PTK7: variants seen among roughly 807,000 people sequenced by gnomAD.
PTK7 encodes protein tyrosine kinase 7 (inactive).
A neutral mutation model predicts 116.6 loss-of-function variants in PTK7; 39 were observed. The ratio of observed to expected loss-of-function variants is 0.33; its 90% CI spans 0.26 to 0.44. The LOEUF (loss-of-function observed/expected upper bound fraction) is 0.44. Among genes scored for constraint, PTK7 ranks in the 20% least tolerant of loss-of-function variants. The pLI, the probability that PTK7 is intolerant of heterozygous loss-of-function variation, is 1.00. For synonymous variants in PTK7, 546 were observed against 563.6 expected, an observed-to-expected ratio of 0.97 and a Z score of 0.44; for missense variants, 1,169 against 1,425.6, an observed-to-expected ratio of 0.82 and a Z score of 2.90.
intron 17 of PTK7, among the ~76,000 whole-genome samples, chr6:43,152,971 A>G (rs1771217098): frequency 6.6e-6 from 1 of 151,414 alleles, no homozygotes; most frequent in South Asian, 2.1e-4. Context: ...TTTTTAGTAG[A>G]GATGGGGTTT....
intron 1 of PTK7, among the ~76,000 whole-genome samples, chr6:43,116,651 T>TGTGTGCGCGCGCGCGCGCGC (rs1323606377): frequency 1.2e-4 from 9 of 77,210 alleles, no homozygotes; most frequent in African/African-American, 5.8e-4. Context: ...TGTGTGTGTG[T>TGTGTGCGCGCGCGCGCGCGC]GCGCGCGCAC....
chr6:43,089,502 T>C (rs773468691), intron 1 of PTK7, among the ~76,000 whole-genome samples: 3 of 152,204 alleles, frequency 2.0e-5, no homozygotes, highest in Non-Finnish European at 4.4e-5. Context: ...AAGAAAACAT[T>C]GTCTTACAGC....
intron 1 of PTK7, among the ~76,000 whole-genome samples, chr6:43,081,159 T>C (rs1766355201): frequency 6.6e-6 from 1 of 152,188 alleles, no homozygotes; most frequent in South Asian, 2.1e-4. Context: ...AGTCCCCGGT[T>C]GTACATTGCC....
At chr6:43,144,763 C>A in intron 15 of PTK7, 157 bp downstream of exon 15, 1 of 866,626 alleles carries the variant, frequency 1.2e-6, no homozygotes, top group East Asian at 2.7e-5. Context: ...GGCCCCAGAG[C>A]CTGTTATTCA....
intron 1 of PTK7, among the ~76,000 whole-genome samples, chr6:43,086,136 C>A (rs868287162): frequency 6.6e-6 from 1 of 152,168 alleles, no homozygotes. Flanking sequence ...CACTGTCTCT[C>A]CTGGCATGCT....
At chr6:43,122,180 G>A (rs979002204) in intron 1 of PTK7, among the ~76,000 whole-genome samples, 2 of 152,168 alleles carry the variant, frequency 1.3e-5, no homozygotes, top group African/African-American at 2.4e-5. Context: ...CACACATTTG[G>A]GGTGGCTCAA....
chr6:43,126,622 T>G (rs1378392465), intron 1 of PTK7, among the ~76,000 whole-genome samples: 2 of 152,194 alleles, frequency 1.3e-5, no homozygotes, highest in Non-Finnish European at 2.9e-5. Context: ...TGGGCGGGGA[T>G]GGGAAGAGCA....
intron 5 of PTK7, 50 bp downstream of exon 5, chr6:43,130,711 AT>A: frequency 3.1e-6 from 5 of 1,595,954 alleles, no homozygotes; most frequent in Non-Finnish European, 4.3e-6. Context: ...ACACACATGC[AT>A]TCTGTAGAAG....
In PTK7 at chr6:43,129,385, T is replaced by C; in HGVS notation, c.367+121T>C. The C allele has an allele frequency of 7.9e-7, 1 of 1,268,666 alleles. No homozygotes were observed. The highest frequency in any genetic ancestry group is 1.1e-6 in the Non-Finnish European group (1 of 924,820). 78.6% of individuals were successfully genotyped at this position (1,268,666 alleles called of 1,614,324 possible). A position where few individuals can be genotyped will look rare whatever the true frequency, so the allele number is the denominator to read the frequency against. ...AGTTAAACGGGCCAGGCAGAATGCATTTATCATCAGCTTTTTTTGCTCATG... is the reference window on the plus strand; with the variant it reads ...AGTTAAACGGGCCAGGCAGAATGCACTTATCATCAGCTTTTTTTGCTCATG... On this transcript the variant is annotated intron_variant, in intron 2 of 19. Coordinates refer to ENST00000230419, the MANE Select transcript of PTK7 (RefSeq NM_002821.5). This position sits in a 1 kb window ranked among gnomAD's most constrained non-coding sequence, Gnocchi z 4.5.
chr6:43,134,061 C>T lies in PTK7; in HGVS notation c.1228+1374C>T, dbSNP rs184716440. Among the ~76,000 whole-genome samples, 25 of 152,234 alleles carry T rather than the reference C, an allele frequency of 1.6e-4. No homozygotes were observed. In the East Asian group the frequency reaches 2.9e-3, roughly 18 times the overall value. The stretch of plus-strand genomic sequence containing the variant: ...ATACTTTTTCTTCTTTTGTTTGAGA[C>T]GGAGTCTCACTCTGTCACCCAGGCT... On this transcript the variant is annotated intron_variant, in intron 7 of 19. Coordinates refer to ENST00000230419, the MANE Select transcript of PTK7 (RefSeq NM_002821.5).
At chr6:43,116,651 T>TGTGCGCGCGCGCGCGC (rs1323606377) in intron 1 of PTK7, among the ~76,000 whole-genome samples, 18 of 77,208 alleles carry the variant, frequency 2.3e-4, no homozygotes, top group African/African-American at 1.2e-3. Flanking sequence ...TGTGTGTGTG[T>TGTGCGCGCGCGCGCGC]GCGCGCGCAC....
At chr6:43,106,743 T>C (rs1292829290) in intron 1 of PTK7, among the ~76,000 whole-genome samples, 4 of 139,078 alleles carry the variant, frequency 2.9e-5, no homozygotes, top group Non-Finnish European at 6.1e-5. Context: ...AACCTCGGCC[T>C]CCCAAGTAAC....
intron 1 of PTK7, among the ~76,000 whole-genome samples, chr6:43,095,834 A>G (rs1283963954): frequency 6.6e-6 from 1 of 152,192 alleles, no homozygotes; most frequent in Non-Finnish European, 1.5e-5. Context: ...CTAAGATACA[A>G]TGAGAAACTT....
At chr6:43,133,294 G>T (rs1341303955) in intron 7 of PTK7, 2 of 153,658 alleles carry the variant, frequency 1.3e-5, no homozygotes, top group East Asian at 1.9e-4. Flanking sequence ...TTTATATCAG[G>T]CTGGGCGCGG....
intron 17 of PTK7, among the ~76,000 whole-genome samples, chr6:43,152,972 G>T (rs1771217267): frequency 6.6e-6 from 1 of 151,610 alleles, no homozygotes; most frequent in Non-Finnish European, 1.5e-5. Context: ...TTTTAGTAGA[G>T]ATGGGGTTTC....
intron 1 of PTK7, among the ~76,000 whole-genome samples, chr6:43,115,927 CAAAAAAAAAA>C (rs886959744): frequency 1.2e-3 from 34 of 27,338 alleles, no homozygotes; most frequent in Non-Finnish European, 2.3e-3. Context: ...GACTCCATCT[CAAAAAAAAAA>C]AAAAAAAAAA....
chr6:43,118,651 C>CTA (rs1768726843), intron 1 of PTK7, among the ~76,000 whole-genome samples: 1 of 82,708 alleles, frequency 1.2e-5, no homozygotes, highest in African/African-American at 6.2e-5. Flanking sequence ...CTCTCTCTCT[C>CTA]TCTCTCTCTA....
At position 43,154,182 on chromosome 6, in the gene PTK7, A is replaced by T. The variant is rs543519013; in HGVS notation, c.2722-4635A>T. Among the ~76,000 whole-genome samples, 376 of 152,068 alleles carry T rather than the reference A, an allele frequency of 2.5e-3. 2 individuals are homozygous for T. The highest frequency in any genetic ancestry group is 4.3e-3 in the Non-Finnish European group (295 of 67,984). On this transcript the variant is annotated intron_variant, in intron 17 of 19. Transcript: ENST00000230419. ...AGTCTCTAAATAAATAAATAAATAAATAAATAAAATTAGCATGGTGGTATA... is the reference window on the plus strand; with the variant it reads ...AGTCTCTAAATAAATAAATAAATAATTAAATAAAATTAGCATGGTGGTATA...
intron 7 of PTK7, among the ~76,000 whole-genome samples, chr6:43,134,015 A>C (rs1222184179): frequency 2.0e-5 from 3 of 152,154 alleles, no homozygotes; most frequent in African/African-American, 7.2e-5. Flanking sequence ...GAGGTCTGAG[A>C]ATCACCTGCT....
Sources: allele counts gnomAD v4.1 joint callset (sites outside exome capture counted in the v4.1 genomes callset), GRCh38; gene constraint gnomAD v4.1.1; non-coding constraint Gnocchi (gnomAD v3.1); transcripts MANE v1.5; gene names NCBI Gene and HGNC (gene_info 2026-07-23, HGNC 2026-07-21).